Variants in LSM12 observed in about 807,000 individuals in gnomAD.
LSM12 encodes LSM12 homolog, also known as protein LSM12.
For missense variants in LSM12, 108 were observed against 238.9 expected (o/e 0.45, Z 3.61); for synonymous variants, 74 against 87.3 (o/e 0.85, Z 0.85).
At chr17:44,049,622 C>T (rs1055983345) in intron 2 of LSM12, among the ~76,000 whole-genome samples, 1 of 152,130 alleles carries the variant, frequency 6.6e-6, no homozygotes, top group Non-Finnish European at 1.5e-5. Flanking sequence ...CTTGTCTGCA[C>T]GCAGTGACAT....
At chr17:44,053,325 A>C (rs573978775) in intron 2 of LSM12, among the ~76,000 whole-genome samples, 150 of 152,322 alleles carry the variant, frequency 9.8e-4, no homozygotes, top group Non-Finnish European at 1.9e-3. Flanking sequence ...GATGTGACCA[A>C]GACCATATGG....
chr17:44,063,692 T>A, intron 2 of LSM12, 109 bp downstream of exon 2: 1 of 1,254,572 alleles, frequency 8.0e-7, no homozygotes, highest in Non-Finnish European at 1.1e-6. Context: ...ACAAACAATT[T>A]TAAGTCAATT....
At chr17:44,060,814 C>T (rs1597897597) in intron 2 of LSM12, among the ~76,000 whole-genome samples, 1 of 152,124 alleles carries the variant, frequency 6.6e-6, no homozygotes, top group South Asian at 2.1e-4. Context: ...AAGAAGAGAA[C>T]TGCTTCTTAA....
At chr17:44,055,428 G>A (rs1214934929) in intron 2 of LSM12, among the ~76,000 whole-genome samples, 1 of 150,182 alleles carries the variant, frequency 6.7e-6, no homozygotes, top group African/African-American at 2.5e-5. Flanking sequence ...TTCGGAGGCT[G>A]AGGTGGGTGG....
intron 2 of LSM12, among the ~76,000 whole-genome samples, chr17:44,063,540 C>T (rs1174177403): frequency 6.6e-6 from 1 of 152,110 alleles, no homozygotes; most frequent in Non-Finnish European, 1.5e-5. Context: ...ATCATGAACT[C>T]CAAGATTTAA....
intron 2 of LSM12, among the ~76,000 whole-genome samples, chr17:44,061,257 C>T (rs1279198442): frequency 1.4e-5 from 2 of 144,478 alleles, no homozygotes; most frequent in African/African-American, 5.1e-5. Flanking sequence ...GCGGAGGTTG[C>T]GGTGAGCCGA....
intron 2 of LSM12, among the ~76,000 whole-genome samples, chr17:44,060,724 T>C (rs776232304): frequency 3.3e-5 from 5 of 152,158 alleles, no homozygotes; most frequent in Non-Finnish European, 5.9e-5. Flanking sequence ...TTTACAACAA[T>C]GCTAGTAAAC....
chr17:44,055,291 T>C (rs1360317817), intron 2 of LSM12, among the ~76,000 whole-genome samples: 1 of 152,028 alleles, frequency 6.6e-6, no homozygotes, highest in Non-Finnish European at 1.5e-5. Flanking sequence ...TAGTAAAGTA[T>C]ACATAGCTAA....
chr17:44,039,801 T>A (rs938320030), intron 3 of LSM12, among the ~76,000 whole-genome samples: 1 of 152,240 alleles, frequency 6.6e-6, no homozygotes, highest in Non-Finnish European at 1.5e-5. Flanking sequence ...CTGCATCAGC[T>A]TTTAAAGAAA....
upstream of LSM12, among the ~76,000 whole-genome samples, chr17:44,066,998 C>G (rs1178014843): frequency 1.3e-5 from 2 of 152,172 alleles, no homozygotes; most frequent in Admixed American, 1.3e-4. Flanking sequence ...CTTAACGATA[C>G]TTGGACAAGA....
At chr17:44,045,547 T>C (rs994596383) in intron 2 of LSM12, among the ~76,000 whole-genome samples, 1 of 152,148 alleles carries the variant, frequency 6.6e-6, no homozygotes, top group African/African-American at 2.4e-5. Context: ...GGACAGTTGA[T>C]CAAAATCTGA....
At chr17:44,037,596 G>C in intron 3 of LSM12, 58 bp from the exon 4 acceptor site, 1 of 1,515,680 alleles carries the variant, frequency 6.6e-7, no homozygotes, top group Non-Finnish European at 8.8e-7. Flanking sequence ...CACATCTCCT[G>C]TCTGATGAAT....
intron 2 of LSM12, among the ~76,000 whole-genome samples, chr17:44,060,167 AAAAT>A (rs2049778009): frequency 1.3e-5 from 2 of 152,080 alleles, no homozygotes; most frequent in Admixed American, 1.3e-4. Flanking sequence ...TTCGTCTCAA[AAAAT>A]AAATAAATAA....
intron 2 of LSM12, among the ~76,000 whole-genome samples, chr17:44,063,232 C>G (rs1309059480): frequency 1.3e-5 from 2 of 152,204 alleles, no homozygotes; most frequent in African/African-American, 2.4e-5. Flanking sequence ...CTGTCTCACA[C>G]ATACACACAC....
intron 2 of LSM12, among the ~76,000 whole-genome samples, chr17:44,061,333 A>C (rs2049793162): frequency 6.6e-6 from 1 of 152,024 alleles, no homozygotes; most frequent in South Asian, 2.1e-4. Context: ...AAAAAAAAAA[A>C]AACACCAAGG....
At chr17:44,037,290 G>T in intron 4 of LSM12, 122 bp downstream of exon 4, 2 of 1,238,246 alleles carry the variant, frequency 1.6e-6, no homozygotes, top group Non-Finnish European at 2.2e-6. Flanking sequence ...AGGGAGGCCA[G>T]ACAGGGCCTC....
At chr17:44,046,368 T>C (rs866761267) in intron 2 of LSM12, among the ~76,000 whole-genome samples, 1 of 152,156 alleles carries the variant, frequency 6.6e-6, no homozygotes, top group South Asian at 2.1e-4. Context: ...AGTGTATGTT[T>C]AATTTTTAAA....
At position 44,041,330 on chromosome 17, in the gene LSM12, C is replaced by CAA. The variant is rs1283826667; in HGVS notation, c.259-1075_259-1074insTT. On this transcript the variant is annotated intron_variant, in intron 2 of 4. Transcript: ENST00000293406. Reference sequence around the variant, plus strand: ...ACACACACACACACACACACACACACACAAACACACACACACACACAGAAT... The same window carrying CAA: ...ACACACACACACACACACACACACACAAACAAACACACACACACACACAGAAT... 1.7e-3 allele frequency among the ~76,000 whole-genome samples: 211 copies of CAA among 122,614 alleles called. 1 individual carries two copies. Among genetic ancestry groups the CAA allele is most frequent in the African/African-American group, 6.2e-3 (179 of 28,934 alleles). The allele number at this position is 122,614 out of a possible 152,430, so 80.4% of individuals were successfully genotyped here.
At chr17:44,046,708 T>TC (rs2049571847) in intron 2 of LSM12, among the ~76,000 whole-genome samples, 2 of 98,718 alleles carry the variant, frequency 2.0e-5, no homozygotes, top group African/African-American at 7.5e-5. Flanking sequence ...AGACTCCGTC[T>TC]CAAAAAAAAA....
Sources: gnomAD v4.1 joint callset for allele counts (sites outside exome capture counted in the v4.1 genomes callset) on GRCh38, gnomAD v4.1.1 for gene constraint, MANE v1.5 for transcripts, NCBI Gene and HGNC (gene_info 2026-07-23, HGNC 2026-07-21) for gene names.